The following METTL15 variants were observed in gnomAD, a reference collection of about 807,000 sequenced individuals.
METTL15 encodes 12S rRNA N(4)-cytidine methyltransferase METTL15.
In METTL15, 34 loss-of-function variants were observed where a neutral mutation model predicts 38.3. The ratio of observed to expected loss-of-function variants is 0.89; its 90% confidence interval spans 0.68 to 1.18. The LOEUF (loss-of-function observed/expected upper bound fraction) is 1.18, where lower values mean the gene tolerates loss of function less well. METTL15 is among the 50% of genes most tolerant of loss of function. The pLI, the probability that METTL15 is intolerant of heterozygous loss-of-function variation, is 0.00. For synonymous variants in METTL15, 162 were observed against 170.9 expected, an observed-to-expected ratio of 0.95 and a Z score of 0.41; for missense variants, 438 against 498.4, an observed-to-expected ratio of 0.88 and a Z score of 1.15.
intron 6 of METTL15, among the ~76,000 whole-genome samples, chr11:28,526,178 C>T (rs1293909549): frequency 6.6e-6 from 1 of 152,244 alleles, no homozygotes; most frequent in Non-Finnish European, 1.5e-5. Context: ...GCCACACCTC[C>T]TGGCAAGCTG....
chr11:28,414,205 T>G (rs1850752645), intron 5 of METTL15, among the ~76,000 whole-genome samples: 2 of 152,076 alleles, frequency 1.3e-5, no homozygotes, highest in Non-Finnish European at 1.5e-5. Flanking sequence ...GGAGCAGTGG[T>G]CACCTGATGG....
chr11:28,495,375 A>G (rs1035104144), intron 6 of METTL15, among the ~76,000 whole-genome samples: 3 of 152,170 alleles, frequency 2.0e-5, no homozygotes, highest in Non-Finnish European at 4.4e-5. Flanking sequence ...AAAGGGAAAA[A>G]GAAAGAAAAG....
At chr11:28,137,016 C>G (rs2133648059) in intron 3 of METTL15, among the ~76,000 whole-genome samples, 3 of 144,492 alleles carry the variant, frequency 2.1e-5, no homozygotes, top group African/African-American at 7.7e-5. Flanking sequence ...AATGTCAACC[C>G]CAATTTTTTG....
intron 3 of METTL15, among the ~76,000 whole-genome samples, chr11:28,139,093 C>T (rs1332282868): frequency 1.3e-5 from 2 of 152,168 alleles, no homozygotes; most frequent in African/African-American, 4.8e-5. Context: ...ACCAGCATGT[C>T]AGACTTCTGG....
chr11:28,287,876 G>T (rs1176631139), intron 4 of METTL15, among the ~76,000 whole-genome samples: 4 of 152,046 alleles, frequency 2.6e-5, no homozygotes, highest in Non-Finnish European at 5.9e-5. Flanking sequence ...TGGGGACCAG[G>T]GGGCAACCCA....
intron 3 of METTL15, among the ~76,000 whole-genome samples, chr11:28,204,805 A>C (rs1449639172): frequency 6.6e-6 from 1 of 152,014 alleles, no homozygotes; most frequent in Non-Finnish European, 1.5e-5. Context: ...ATTTATTCTT[A>C]GATGAAACAA....
chr11:28,219,007 G>T (rs544506868), intron 4 of METTL15, among the ~76,000 whole-genome samples: 2 of 152,156 alleles, frequency 1.3e-5, no homozygotes, highest in African/African-American at 2.4e-5. Flanking sequence ...CAGGGATATT[G>T]TTCTAAAATT....
intron 5 of METTL15, among the ~76,000 whole-genome samples, chr11:28,397,126 A>G (rs967400446): frequency 6.6e-6 from 1 of 151,876 alleles, no homozygotes; most frequent in Non-Finnish European, 1.5e-5. Context: ...TAGACCTAAA[A>G]CCATAAAAAC....
intron 3 of METTL15, among the ~76,000 whole-genome samples, chr11:28,348,199 G>A (rs146933657): frequency 5.0e-4 from 76 of 152,202 alleles, no homozygotes; most frequent in African/African-American, 1.4e-3. Context: ...TAAAAATCTC[G>A]TTCTTTACCT....
In METTL15 at chr11:28,465,268, T is replaced by C. The variant is rs186059569; in HGVS notation, c.*424+40904T>C. 3.9e-3 allele frequency among the ~76,000 whole-genome samples: 592 copies of C among 152,302 alleles called. 4 individuals carry two copies. The highest frequency in any genetic ancestry group is 5.3e-3 in the Admixed American group (81 of 15,292). Reference sequence around the variant, plus strand: ...CTCTTGAGTTTTCTTCTTCTTTCATTCAGTCTTTCTCAGTCTCCTTGCTCC... The same window carrying C: ...CTCTTGAGTTTTCTTCTTCTTTCATCCAGTCTTTCTCAGTCTCCTTGCTCC... On this transcript the variant is annotated intron_variant and NMD_transcript_variant, in intron 6 of 7. Transcript: ENST00000532947.
chr11:28,377,997 G>T lies in METTL15; in HGVS notation c.*358+15961G>T, dbSNP rs374892656. 2.7e-4 allele frequency among the ~76,000 whole-genome samples: 41 copies of T among 150,848 alleles called. 1 individual carries two copies. The East Asian group carries it at 7.5e-3, about 28-fold the overall frequency. ...GTCAGGGGTCAGGGACCCACTTGAG[G>T]AAGCAGTCTGCCCGTTCTCAGATCT... is the stretch of plus-strand genomic sequence containing the variant. On this transcript the variant is annotated intron_variant and NMD_transcript_variant, in intron 5 of 7. Coordinates refer to the METTL15 transcript ENST00000532947.
chr11:28,184,988 C>T (rs1851441181), intron 3 of METTL15, among the ~76,000 whole-genome samples: 1 of 151,294 alleles, frequency 6.6e-6, no homozygotes, highest in African/African-American at 2.4e-5. Context: ...ATGAGTCCCA[C>T]CTAATCCACA....
At chr11:28,412,599 A>T (rs1386506297) in intron 5 of METTL15, among the ~76,000 whole-genome samples, 3 of 152,030 alleles carry the variant, frequency 2.0e-5, no homozygotes, top group Non-Finnish European at 4.4e-5. Context: ...TATGGCTGGA[A>T]CTGGAAGACA....
chr11:28,191,219 A>G (rs955653106), intron 3 of METTL15, among the ~76,000 whole-genome samples: 9 of 151,402 alleles, frequency 5.9e-5, no homozygotes, highest in African/African-American at 2.2e-4. Context: ...TATTAACTAT[A>G]TATAAATTGA....
chr11:28,189,647 T>A (rs924710750), intron 3 of METTL15, among the ~76,000 whole-genome samples: 2 of 151,256 alleles, frequency 1.3e-5, no homozygotes, highest in East Asian at 3.9e-4. Flanking sequence ...ACTTTATCAA[T>A]TGAAATTTAC....
intron 6 of METTL15, among the ~76,000 whole-genome samples, chr11:28,329,779 CTTTTTA>C (rs1056728188): frequency 3.3e-5 from 5 of 152,040 alleles, no homozygotes; most frequent in Admixed American, 3.3e-4. Context: ...GATTGTCTCA[CTTTTTA>C]TTTATTTTAA....
chr11:28,436,677 G>C (rs1011049395), intron 6 of METTL15, among the ~76,000 whole-genome samples: 25 of 152,214 alleles, frequency 1.6e-4, no homozygotes, highest in African/African-American at 5.5e-4. Flanking sequence ...TCATGGGTGA[G>C]GGAGATAGAA....
intron 3 of METTL15, among the ~76,000 whole-genome samples, chr11:28,341,963 G>A (rs1412696713): frequency 6.6e-6 from 1 of 152,120 alleles, no homozygotes; most frequent in Admixed American, 6.6e-5. Context: ...CCTGGCTACA[G>A]GTGACTGACC....
intron 3 of METTL15, among the ~76,000 whole-genome samples, chr11:28,129,901 G>A (rs1002244848): frequency 6.6e-6 from 1 of 151,982 alleles, no homozygotes; most frequent in Non-Finnish European, 1.5e-5. Flanking sequence ...CTTATTTTGT[G>A]GAATACCAGT....
Sources: allele counts gnomAD v4.1 joint callset (sites outside exome capture counted in the v4.1 genomes callset), GRCh38; gene constraint gnomAD v4.1.1; transcripts MANE v1.5; gene names NCBI Gene and HGNC (gene_info 2026-07-23, HGNC 2026-07-21).